The following SLC35D4 variants were observed in gnomAD, a reference collection of about 807,000 sequenced individuals.
SLC35D4 encodes UDP-N-acetylglucosamine transporter SLC35D4.
the SLC35D4 span, among the ~76,000 whole-genome samples, chr18:23,436,749 C>T: frequency 6.6e-6 from 1 of 152,024 alleles, no homozygotes; most frequent in Non-Finnish European, 1.5e-5. Context: ...GCCGAGATCA[C>T]GTCACTGCAC....
chr18:23,362,264 C>T, the SLC35D4 span, among the ~76,000 whole-genome samples: 2 of 152,172 alleles, frequency 1.3e-5, no homozygotes, highest in East Asian at 1.9e-4. Context: ...AATTTAGGAA[C>T]GTTGTACAAA....
the SLC35D4 span, among the ~76,000 whole-genome samples, chr18:23,374,937 A>G: frequency 4.6e-5 from 7 of 151,982 alleles, no homozygotes; most frequent in Non-Finnish European, 1.0e-4. Flanking sequence ...CAATATGGTA[A>G]AACCCCTTTT....
the SLC35D4 span, among the ~76,000 whole-genome samples, chr18:23,280,497 G>A: frequency 1.4e-4 from 21 of 152,226 alleles, no homozygotes; most frequent in African/African-American, 4.8e-4. Context: ...AGGAGAGAAC[G>A]CTTCCCTAGA....
chr18:23,387,663 A>C, the SLC35D4 span, among the ~76,000 whole-genome samples: 1 of 152,108 alleles, frequency 6.6e-6, no homozygotes, highest in South Asian at 2.1e-4. Context: ...TAGCTGTGCC[A>C]TTTTAGTAAT....
chr18:23,404,831 C>T, the SLC35D4 span, among the ~76,000 whole-genome samples: 1 of 151,282 alleles, frequency 6.6e-6, no homozygotes, highest in Non-Finnish European at 1.5e-5. Flanking sequence ...ACTAAAAATA[C>T]AAAAATTAGC....
the SLC35D4 span, among the ~76,000 whole-genome samples, chr18:23,372,994 A>G: frequency 6.3e-3 from 959 of 152,184 alleles, 13 homozygotes; most frequent in African/African-American, 0.022. Context: ...AGAAAACTCA[A>G]CTTTAGCACA....
chr18:23,282,254 A>G, the SLC35D4 span, among the ~76,000 whole-genome samples: 1 of 152,242 alleles, frequency 6.6e-6, no homozygotes, highest in South Asian at 2.1e-4. Context: ...AACTGCTTAA[A>G]TGAGACTTTA....
the SLC35D4 span, among the ~76,000 whole-genome samples, chr18:23,262,687 C>G: frequency 5.9e-5 from 9 of 152,358 alleles, no homozygotes; most frequent in Non-Finnish European, 1.2e-4. Context: ...AGGGGAGAGA[C>G]AGATTCCCCA....
At chr18:23,343,134 G>A in the SLC35D4 span, among the ~76,000 whole-genome samples, 4 of 152,130 alleles carry the variant, frequency 2.6e-5, no homozygotes, top group Non-Finnish European at 1.5e-5. Flanking sequence ...TGTTGACCAG[G>A]CTGGTGTCGA....
the SLC35D4 span, among the ~76,000 whole-genome samples, chr18:23,402,183 G>A: frequency 6.6e-6 from 1 of 152,198 alleles, no homozygotes; most frequent in Non-Finnish European, 1.5e-5. Context: ...TAAGACCATA[G>A]CCGCTGCTAA....
At chr18:23,308,761 G>T in the SLC35D4 span, among the ~76,000 whole-genome samples, 1 of 152,128 alleles carries the variant, frequency 6.6e-6, no homozygotes, top group Non-Finnish European at 1.5e-5. Context: ...AATGGGTAGT[G>T]CATTCTAAAC....
chr18:23,399,873 T>A, the SLC35D4 span, among the ~76,000 whole-genome samples: 8,343 of 152,222 alleles, frequency 0.055, 311 homozygotes, highest in South Asian at 0.19. Flanking sequence ...GCCTAAGAGA[T>A]CCCAGAAATG....
the SLC35D4 span, among the ~76,000 whole-genome samples, chr18:23,313,441 C>A: frequency 1.3e-5 from 2 of 151,574 alleles, no homozygotes; most frequent in African/African-American, 4.8e-5. Context: ...TGGAGGCTTA[C>A]AAAGGAATGC....
the SLC35D4 span, among the ~76,000 whole-genome samples, chr18:23,385,274 C>A: frequency 6.6e-6 from 1 of 152,186 alleles, no homozygotes; most frequent in Admixed American, 6.5e-5. Context: ...CTCCTACGGG[C>A]ATTCTCATCA....
the SLC35D4 span, among the ~76,000 whole-genome samples, chr18:23,425,720 A>T: frequency 9.4e-3 from 1,435 of 152,340 alleles, 16 homozygotes; most frequent in Non-Finnish European, 0.014. Context: ...ACACCATTGT[A>T]CAGTCAAACA....
chr18:23,364,037 C>A, the SLC35D4 span, among the ~76,000 whole-genome samples: 1 of 152,154 alleles, frequency 6.6e-6, no homozygotes. Context: ...TCAGATATGT[C>A]ATATACAATC....
chr18:23,294,793 A>G, the SLC35D4 span, among the ~76,000 whole-genome samples: 2 of 152,132 alleles, frequency 1.3e-5, no homozygotes, highest in African/African-American at 4.8e-5. Context: ...CAAACCAAAA[A>G]ACAAAGAGGA....
chr18:23,435,159 G>GA, the SLC35D4 span, among the ~76,000 whole-genome samples: 432 of 141,110 alleles, frequency 3.1e-3, no homozygotes, highest in Non-Finnish European at 4.2e-3. Context: ...CTGTGTCTCA[G>GA]AAAAAAAAAA....
At chr18:23,375,785 T>C in the SLC35D4 span, among the ~76,000 whole-genome samples, 1 of 152,314 alleles carries the variant, frequency 6.6e-6, no homozygotes, top group East Asian at 1.9e-4. Flanking sequence ...TTAAAAATTC[T>C]TGCTCAAAAA....
Sources: allele counts gnomAD v4.1 joint callset (sites outside exome capture counted in the v4.1 genomes callset), GRCh38; gene constraint gnomAD v4.1.1; transcripts MANE v1.5; gene names NCBI Gene and HGNC (gene_info 2026-07-23, HGNC 2026-07-21).